Variants in LINGO2 observed in about 807,000 individuals in gnomAD.
The protein encoded by LINGO2 is leucine rich repeat and Ig domain containing 2, also known as leucine-rich repeat and immunoglobulin-like domain-containing nogo receptor-interacting protein 2.
In LINGO2, 14 loss-of-function variants were observed where a neutral mutation model predicts 30.6. That is an observed-to-expected ratio of 0.46 (90% CI 0.30 to 0.72). The LOEUF is 0.72. LINGO2 is among the 30% of genes least tolerant of loss of function. LINGO2 has a pLI of 0.07. For synonymous variants in LINGO2, 317 were observed against 288.5 expected (o/e 1.10, Z -1.00); for missense variants, 729 against 751.7 (o/e 0.97, Z 0.35).
intron 4 of LINGO2, among the ~76,000 whole-genome samples, chr9:28,193,458 C>A (rs2133785162): frequency 6.6e-6 from 1 of 151,874 alleles, no homozygotes; most frequent in South Asian, 2.1e-4. Flanking sequence ...TATCACATGC[C>A]AAAATTGGAC....
chr9:29,213,592 G>C, the LINGO2 span, among the ~76,000 whole-genome samples: 1 of 152,014 alleles, frequency 6.6e-6, no homozygotes, highest in Non-Finnish European at 1.5e-5. Context: ...CTCGGGCTGC[G>C]CACACACACA....
chr9:28,884,059 G>A, the LINGO2 span, among the ~76,000 whole-genome samples: 1 of 151,990 alleles, frequency 6.6e-6, no homozygotes, highest in Admixed American at 6.6e-5. Context: ...ACAGACAAGT[G>A]TCATGCTAAG....
chr9:28,812,880 C>T, the LINGO2 span, among the ~76,000 whole-genome samples: 1 of 152,050 alleles, frequency 6.6e-6, no homozygotes, highest in Admixed American at 6.6e-5. Context: ...ATCTGCAGCA[C>T]CTGTGTGTCA....
chr9:29,062,388 C>T, the LINGO2 span, among the ~76,000 whole-genome samples: 1 of 152,114 alleles, frequency 6.6e-6, no homozygotes, highest in Non-Finnish European at 1.5e-5. Flanking sequence ...TTTGCACACC[C>T]ATGCTCACTG....
At chr9:28,911,621 A>G in the LINGO2 span, among the ~76,000 whole-genome samples, 112,686 of 151,940 alleles carry the variant, frequency 0.74, 41,929 homozygotes, top group Non-Finnish European at 0.78. Context: ...ATTCAATTTA[A>G]TATAGAGTTA....
At chr9:29,196,415 T>C in the LINGO2 span, among the ~76,000 whole-genome samples, 3 of 152,108 alleles carry the variant, frequency 2.0e-5, no homozygotes, top group Non-Finnish European at 4.4e-5. Context: ...CACCGTCTTA[T>C]TTAAACATTA....
the LINGO2 span, among the ~76,000 whole-genome samples, chr9:29,176,709 T>C: frequency 4.6e-5 from 7 of 152,230 alleles, no homozygotes; most frequent in Non-Finnish European, 8.8e-5. Flanking sequence ...CTAGGCAATG[T>C]ACTAGGAAGT....
chr9:28,884,968 T>C, the LINGO2 span, among the ~76,000 whole-genome samples: 1,030 of 18,132 alleles, frequency 0.057, 44 homozygotes, highest in Middle Eastern at 0.1. Flanking sequence ...ATTTTATATA[T>C]ATAATATATA....
intron 5 of LINGO2, among the ~76,000 whole-genome samples, chr9:27,976,804 A>T (rs573916561): frequency 2.0e-5 from 3 of 152,110 alleles, no homozygotes; most frequent in African/African-American, 7.2e-5. Context: ...TACATCCTTC[A>T]TATTTTCCAG....
At chr9:28,024,207 A>G (rs539132007) in intron 4 of LINGO2, among the ~76,000 whole-genome samples, 11 of 152,178 alleles carry the variant, frequency 7.2e-5, no homozygotes, top group Non-Finnish European at 1.5e-4. Flanking sequence ...GCAAATCAGC[A>G]TGATTTTTAA....
At chr9:28,039,420 CAACT>C (rs1339679623) in intron 4 of LINGO2, among the ~76,000 whole-genome samples, 1 of 151,882 alleles carries the variant, frequency 6.6e-6, no homozygotes, top group Non-Finnish European at 1.5e-5. Flanking sequence ...AAAAGAGGCG[CAACT>C]AACAGTGGGA....
chr9:28,049,889 G>T (rs1824593784), intron 4 of LINGO2, among the ~76,000 whole-genome samples: 1 of 150,660 alleles, frequency 6.6e-6, no homozygotes, highest in South Asian at 2.1e-4. Context: ...AATCAAGAGA[G>T]CAACATGATC....
intron 4 of LINGO2, among the ~76,000 whole-genome samples, chr9:28,029,438 G>C (rs987304283): frequency 6.6e-6 from 1 of 152,158 alleles, no homozygotes; most frequent in East Asian, 1.9e-4. Context: ...AAAGGAGAAC[G>C]AAGATGCAAG....
At chr9:28,516,026 G>A (rs1277279098) in intron 1 of LINGO2, among the ~76,000 whole-genome samples, 5 of 152,198 alleles carry the variant, frequency 3.3e-5, no homozygotes, top group Non-Finnish European at 5.9e-5. Context: ...CAAAAGGACT[G>A]TGACTTGTTG....
At chr9:28,769,512 A>T in the LINGO2 span, among the ~76,000 whole-genome samples, 8 of 2,248 alleles carry the variant, frequency 3.6e-3, no homozygotes, top group African/African-American at 6.5e-3. Flanking sequence ...ATATATATAT[A>T]TATATATTTT....
At position 28,183,305 on chromosome 9, in the gene LINGO2, G is replaced by A. The variant is rs540069063; in HGVS notation, c.-87+111903C>T. Among the ~76,000 whole-genome samples, 12 of 152,254 alleles carry A rather than the reference G, an allele frequency of 7.9e-5. No homozygotes were observed. The South Asian group carries it at 2.1e-3, about 26-fold the overall frequency. ...AGCAACACACACCAGGGCCTGTTGA[G>A]GGGTGGGGGGCGAGGGGAGGGAACT... On this transcript the variant is annotated intron_variant, in intron 4 of 5. Coordinates refer to ENST00000379992, the Ensembl canonical transcript of LINGO2.
At position 28,156,733 on chromosome 9, in the gene LINGO2, T is replaced by C. The variant is rs150195051; in HGVS notation, c.-87+138475A>G. Among the ~76,000 whole-genome samples the C allele has an allele frequency of 1.5e-3, 235 of 152,320 alleles. 2 individuals carry two copies. Among genetic ancestry groups the C allele is most frequent in the African/African-American group, 4.2e-3 (173 of 41,584 alleles). ...CATAGATACAATGTGGGTAAAGGTA[T>C]TGGTTAAATACAGCCATTCTAAATG... On this transcript the variant is annotated intron_variant, in intron 4 of 5. Transcript: ENST00000379992.
chr9:27,954,696 T>C (rs912170598), intron 5 of LINGO2, among the ~76,000 whole-genome samples: 5 of 152,180 alleles, frequency 3.3e-5, no homozygotes, highest in African/African-American at 1.2e-4. Context: ...TATTACTCCA[T>C]TTTCATGCTG....
intron 3 of LINGO2, among the ~76,000 whole-genome samples, chr9:28,350,465 A>G (rs1819818387): frequency 6.7e-6 from 1 of 149,718 alleles, no homozygotes; most frequent in African/African-American, 2.5e-5. Flanking sequence ...CTAAATATAT[A>G]TGCACCCAAT....
Sources: gnomAD v4.1 joint callset for allele counts (sites outside exome capture counted in the v4.1 genomes callset) on GRCh38, gnomAD v4.1.1 for gene constraint, MANE v1.5 for transcripts, NCBI Gene and HGNC (gene_info 2026-07-23, HGNC 2026-07-21) for gene names.